ACSL4: variants seen among roughly 807,000 people sequenced by gnomAD.
ACSL4 encodes long-chain-fatty-acid--CoA ligase 4.
ACSL4 carries 9 observed loss-of-function variants against 49.1 expected under a neutral mutation model. The ratio of observed to expected loss-of-function variants is 0.18; its 90% CI spans 0.11 to 0.32. The LOEUF is 0.32. Among genes scored for constraint, ACSL4 ranks in the 10% least tolerant of loss-of-function variants. The pLI is 1.00. For synonymous variants in ACSL4, 191 were observed against 170.3 expected (o/e 1.12, Z -0.95); for missense variants, 333 against 493.7 (o/e 0.67, Z 3.08).
At position 109,683,551 on chromosome X, in the gene ACSL4, T is replaced by G. The variant is rs1254254659; in HGVS notation, c.-12-176A>C. On this transcript the variant is annotated intron_variant, in intron 2 of 15. Coordinates refer to ENST00000672401, the MANE Select transcript of ACSL4 (RefSeq NM_001318510.2). ...TCTTTGGCTTTTGAAAGCCTTATTG[T>G]GCTGAAGAAGGCAATAATAGAAGCA... 1.1e-5 allele frequency: 10 copies of G among 913,271 alleles called. No homozygotes were observed. In the East Asian group the frequency reaches 2.8e-4, roughly 26 times the overall value. 75.3% of individuals were successfully genotyped at this position (913,271 alleles called of 1,213,427 possible). A position where few individuals can be genotyped will look rare whatever the true frequency, so the allele number is the denominator to read the frequency against.
chrX:109,675,980 TTG>T (rs1404134784), intron 8 of ACSL4, among the ~76,000 whole-genome samples: 2 of 111,668 alleles, frequency 1.8e-5, no homozygotes, highest in African/African-American at 6.5e-5. Context: ...CATACAAAGA[TTG>T]TGTTTCTTAA....
intron 6 of ACSL4, among the ~76,000 whole-genome samples, chrX:109,679,393 A>G (rs1002973486): frequency 4.4e-5 from 5 of 112,680 alleles, no homozygotes; most frequent in Non-Finnish European, 9.4e-5. Context: ...TAACAGGATT[A>G]TCACATTTAA....
intron 1 of ACSL4, among the ~76,000 whole-genome samples, chrX:109,725,061 GT>G (rs1214578879): frequency 8.3e-5 from 9 of 107,851 alleles, no homozygotes; most frequent in Non-Finnish European, 1.5e-4. Flanking sequence ...CTGACCTGGG[GT>G]TTTTTTTGTT....
chrX:109,725,270 C>T (rs1266843693), intron 1 of ACSL4, among the ~76,000 whole-genome samples: 1 of 97,375 alleles, frequency 1.0e-5, no homozygotes, highest in Non-Finnish European at 2.0e-5. Context: ...TTTTTTGAGA[C>T]AGGGTCTTGC....
At position 109,681,075 on chromosome X, in the gene ACSL4, T is replaced by C. The variant is rs1379206049; in HGVS notation, c.578A>G (p.Asn193Ser). The change falls in exon 6 of 16, where the codon AAT (asparagine) becomes AGT (serine). Residue 193 changes from asparagine to serine, a missense_variant. Physicochemically the swap from Asn to Ser is conservative, Grantham distance 46. Coordinates refer to ENST00000672401, the MANE Select transcript of ACSL4 (RefSeq NM_001318510.2). ...HIIYVDNKAI[N>S]KAEYPEGFEI... is the part of the protein sequence containing the mutation. ...AAATCCTTCAGGGTACTCTGCTTTATTGATAGCCTTATTGTCCACATAAAT... is the reference window on the plus strand; with the variant it reads ...AAATCCTTCAGGGTACTCTGCTTTACTGATAGCCTTATTGTCCACATAAAT... The C allele has an allele frequency of 4.1e-6, 5 of 1,207,880 alleles. No homozygotes were observed. The highest frequency in any genetic ancestry group is 1.8e-5 in the African/African-American group (1 of 57,116).
At chrX:109,653,245 T>C (rs941560467) in intron 15 of ACSL4, among the ~76,000 whole-genome samples, 2 of 111,278 alleles carry the variant, frequency 1.8e-5, no homozygotes, top group South Asian at 3.7e-4. Flanking sequence ...AAATCAAAAC[T>C]ACAATGAGAT....
intron 2 of ACSL4, chrX:109,683,672 G>T (rs1924364619): frequency 2.4e-6 from 1 of 413,537 alleles, no homozygotes; most frequent in Admixed American, 4.4e-5. Flanking sequence ...TACGCCTGTA[G>T]GTGATGACAA....
intron 8 of ACSL4, among the ~76,000 whole-genome samples, chrX:109,676,316 T>C (rs1177830454): frequency 8.9e-6 from 1 of 111,860 alleles, no homozygotes; most frequent in Non-Finnish European, 1.9e-5. Flanking sequence ...TAACTTTTTT[T>C]GTTTTAATAG....
Position 109,668,595 on chromosome X carries a change from T to TA in ACSL4, c.1143-323dup, listed in dbSNP as rs757819221. Among the ~76,000 whole-genome samples, 3 of 111,947 alleles carry TA rather than the reference T, an allele frequency of 2.7e-5. No individual in the cohort carries two copies. The East Asian group carries it at 8.4e-4, about 31-fold the overall frequency. ...ATCACCTATCTTATCTCACTTCCAA[T>TA]AAAAAATGCTTCCCCATCCCCACTC... is the stretch of plus-strand genomic sequence containing the variant. On this transcript the variant is annotated intron_variant, in intron 10 of 15. Transcript: ENST00000672401.
chrX:109,646,164 C>A (rs1934683924), intron 15 of ACSL4, among the ~76,000 whole-genome samples: 1 of 111,020 alleles, frequency 9.0e-6, no homozygotes, highest in Admixed American at 9.6e-5. Flanking sequence ...TCAGGAAATA[C>A]AGAGAATGCC....
At chrX:109,719,998 AAAAC>A (rs985692299) in intron 1 of ACSL4, among the ~76,000 whole-genome samples, 3 of 109,359 alleles carry the variant, frequency 2.7e-5, no homozygotes, top group Middle Eastern at 4.7e-3. Context: ...CATCTCACAA[AAAAC>A]AAACAAACAA....
Position 109,667,232 on chromosome X carries a change from G to C in ACSL4, c.1315+869C>G, listed in dbSNP as rs181338819. The stretch of plus-strand genomic sequence containing the variant: ...ATACCCCAGTGTTTCTCAACCTAAA[G>C]TGATTTTGCCCCCCAGGGGATATCT... On this transcript the variant is annotated intron_variant, in intron 11 of 15. Coordinates refer to ENST00000672401, the MANE Select transcript of ACSL4 (RefSeq NM_001318510.2). Among the ~76,000 whole-genome samples, 381 of 112,475 alleles carry C rather than the reference G, an allele frequency of 3.4e-3. 3 individuals carry two copies. The highest frequency in any genetic ancestry group is 0.012 in the African/African-American group (366 of 30,968).
intron 1 of ACSL4, among the ~76,000 whole-genome samples, chrX:109,700,052 A>C (rs902646907): frequency 1.0e-4 from 11 of 108,064 alleles, no homozygotes; most frequent in Admixed American, 4.0e-4. Flanking sequence ...TACTAAAAAT[A>C]CAAAAATTAG....
chrX:109,718,444 T>C (rs1272383368), intron 1 of ACSL4, among the ~76,000 whole-genome samples: 1 of 112,577 alleles, frequency 8.9e-6, no homozygotes, highest in Non-Finnish European at 1.9e-5. Flanking sequence ...CTTTTCAATA[T>C]ACTACTTAGC....
chrX:109,708,561 C>T (rs1926532567), intron 1 of ACSL4, among the ~76,000 whole-genome samples: 2 of 112,015 alleles, frequency 1.8e-5, no homozygotes. Context: ...TGTAATATAA[C>T]CTATAAGCTA....
chrX:109,665,998 T>C (rs1009318863), intron 11 of ACSL4, among the ~76,000 whole-genome samples: 3 of 112,425 alleles, frequency 2.7e-5, no homozygotes, highest in African/African-American at 9.7e-5. Context: ...TTAGCTGCTG[T>C]TGTCAAACAT....
At chrX:109,700,044 C>T (rs1481185953) in intron 1 of ACSL4, among the ~76,000 whole-genome samples, 1 of 107,264 alleles carries the variant, frequency 9.3e-6, no homozygotes, top group Non-Finnish European at 1.9e-5. Flanking sequence ...CCTATCGCTA[C>T]TAAAAATACA....
At chrX:109,699,233 G>T (rs1423101199) in intron 1 of ACSL4, among the ~76,000 whole-genome samples, 1 of 111,713 alleles carries the variant, frequency 9.0e-6, no homozygotes, top group African/African-American at 3.3e-5. Flanking sequence ...TGGGTGTGGT[G>T]GTGCATGCCT....
intron 1 of ACSL4, among the ~76,000 whole-genome samples, chrX:109,730,352 G>C (rs767670424): frequency 6.2e-5 from 7 of 112,343 alleles, no homozygotes; most frequent in Non-Finnish European, 1.1e-4. Flanking sequence ...TAAAGGCTCA[G>C]CAATTGAAAG....
Sources: gnomAD v4.1 joint callset for allele counts (sites outside exome capture counted in the v4.1 genomes callset) on GRCh38, gnomAD v4.1.1 for gene constraint, MANE v1.5 for transcripts, NCBI Gene and HGNC (gene_info 2026-07-23, HGNC 2026-07-21) for gene names.